Variants in SREK1 observed in about 807,000 individuals in gnomAD.
The protein encoded by SREK1 is splicing regulatory glutamine/lysine-rich protein 1.
A neutral mutation model predicts 66.5 loss-of-function variants in SREK1; 13 were observed. The observed-to-expected ratio is 0.20, with a 90% confidence interval of 0.13 to 0.31. The LOEUF (loss-of-function observed/expected upper bound fraction) is 0.31. Ranked by LOEUF, SREK1 falls within the 10% of genes least tolerant of loss-of-function variation. The probability of loss-of-function intolerance (pLI) is 1.00; values close to 1 mark genes in which losing one functional copy is unlikely to be tolerated. For missense variants in SREK1, 607 were observed against 769.6 expected (o/e 0.79, Z 2.50); for synonymous variants, 265 against 263.5 (o/e 1.01, Z -0.05).
At chr5:66,156,147 GA>G (rs1003248207) in intron 2 of SREK1, 57 of 1,414,118 alleles carry the variant, frequency 4.0e-5, no homozygotes, top group Admixed American at 5.6e-5. Context: ...GCCGTCAAGT[GA>G]AACCTTCATT....
At chr5:66,163,289 C>G (rs1280842152) in intron 5 of SREK1, 1 of 152,958 alleles carries the variant, frequency 6.5e-6, no homozygotes, top group East Asian at 1.9e-4. Flanking sequence ...AGAAGTCACT[C>G]TTACCTAGTA....
At chr5:66,169,423 G>A (rs939648676) in intron 7 of SREK1, 1 of 152,132 alleles carries the variant, frequency 6.6e-6, no homozygotes. Context: ...TTTTATGCGT[G>A]TGTATATATA....
At chr5:66,147,444 A>G (rs1743341200) in intron 1 of SREK1, among the ~76,000 whole-genome samples, 1 of 152,242 alleles carries the variant, frequency 6.6e-6, no homozygotes, top group Non-Finnish European at 1.5e-5. Context: ...TTTACAAAGT[A>G]AACATACCTA....
chr5:66,150,415 A>G (rs1204701241), intron 1 of SREK1, among the ~76,000 whole-genome samples: 1 of 152,246 alleles, frequency 6.6e-6, no homozygotes, highest in Non-Finnish European at 1.5e-5. Flanking sequence ...GGAACAGCAT[A>G]TATGAAGACC....
chr5:66,172,212 C>T (rs745744577), intron 9 of SREK1, among the ~76,000 whole-genome samples: 1 of 152,202 alleles, frequency 6.6e-6, no homozygotes. Context: ...TTCTGTGTCA[C>T]ACATGCCTTT....
chr5:66,175,401 C>G (rs113767997), intron 10 of SREK1, among the ~76,000 whole-genome samples: 5 of 152,268 alleles, frequency 3.3e-5, no homozygotes, highest in African/African-American at 1.2e-4. Flanking sequence ...TGTCACTTAA[C>G]TTACCAGGTC....
At chr5:66,155,000 C>T (rs1744158578) in intron 2 of SREK1, among the ~76,000 whole-genome samples, 1 of 152,130 alleles carries the variant, frequency 6.6e-6, no homozygotes, top group South Asian at 2.1e-4. Flanking sequence ...ATTAATACCA[C>T]CAATAACACT....
chr5:66,173,918 G>A (rs1745851223), intron 9 of SREK1, among the ~76,000 whole-genome samples: 1 of 152,130 alleles, frequency 6.6e-6, no homozygotes, highest in Admixed American at 6.5e-5. Flanking sequence ...TTAGGTAGAG[G>A]TAGAATTGAG....
At chr5:66,170,196 A>C in intron 8 of SREK1, 26 bp downstream of exon 8, 1 of 1,590,116 alleles carries the variant, frequency 6.3e-7, no homozygotes, top group East Asian at 2.3e-5. Flanking sequence ...ATTAACAATA[A>C]TTTTTTTTTC....
intron 6 of SREK1, chr5:66,164,260 C>G (rs747280078): frequency 1.1e-5 from 3 of 277,936 alleles, no homozygotes; most frequent in Non-Finnish European, 2.1e-5. Flanking sequence ...AGCAGGTTTA[C>G]TTTTCCTCAA....
intron 7 of SREK1, chr5:66,167,559 TGAC>T (rs1745277423): frequency 1.3e-5 from 2 of 152,192 alleles, no homozygotes; most frequent in Admixed American, 6.5e-5. Context: ...GATCTGCTCT[TGAC>T]TACTTCTAGC....
At chr5:66,162,782 T>G (rs1034093455) in intron 5 of SREK1, 190 bp downstream of exon 5, 6 of 520,596 alleles carry the variant, frequency 1.2e-5, no homozygotes, top group Admixed American at 3.7e-5. Context: ...TTTAGAGACA[T>G]TTATTTTCTC....
At position 66,162,394 on chromosome 5, in the gene SREK1, G is replaced by A. The variant is rs774581184; in HGVS notation, c.577-20G>A. The A allele has an allele frequency of 3.1e-6, 5 of 1,611,364 alleles. No homozygotes were observed. In the East Asian group the frequency reaches 6.7e-5, roughly 22 times the overall value. ...TTTTAAATGGATATATTTTATCAAA[G>A]TGTCACTTTGTTCCCTTAGACAACG... is the stretch of plus-strand genomic sequence containing the variant. On this transcript the variant is annotated intron_variant, in intron 4 of 11. Transcript: ENST00000334121.
chr5:66,164,657 AAGG>A (rs761477885), intron 6 of SREK1, 123 bp from the exon 7 acceptor site: 31 of 1,585,584 alleles, frequency 2.0e-5, no homozygotes, highest in Admixed American at 8.8e-5. Context: ...GATGTTTCTG[AAGG>A]AGGAGGATGT....
At chr5:66,145,058 T>A in intron 1 of SREK1, 2 of 985,880 alleles carry the variant, frequency 2.0e-6, no homozygotes, top group Non-Finnish European at 2.4e-6. Context: ...TCGCACAAAC[T>A]TAGCATTTTG....
At chr5:66,161,698 G>T (rs1175253130) in intron 3 of SREK1, among the ~76,000 whole-genome samples, 3 of 152,108 alleles carry the variant, frequency 2.0e-5, no homozygotes, top group Non-Finnish European at 2.9e-5. Flanking sequence ...TTAAACAGAA[G>T]AACATATAAA....
rs376966512 is a variant in SREK1 at position 66,179,051 on chromosome 5, C to T, written c.*183C>T. 1.0e-4 allele frequency: 57 copies of T among 552,984 alleles called. No individual in the cohort carries two copies. The highest frequency in any genetic ancestry group is 1.6e-4 in the Non-Finnish European group (55 of 352,886). The allele number at this position is 552,984 out of a possible 1,614,324, so 34.3% of individuals were successfully genotyped here. A position where few individuals can be genotyped will look rare whatever the true frequency, so the allele number is the denominator to read the frequency against. On this transcript the variant is annotated 3_prime_UTR_variant, in exon 12 of 12. Coordinates refer to ENST00000334121, the MANE Select transcript of SREK1 (RefSeq NM_001077199.3). Reference sequence around the variant, plus strand: ...GAGTAAGAAAATAAAGCATGGACATCATGAAAATAACAGATGTTACCCAAA... The same window carrying T: ...GAGTAAGAAAATAAAGCATGGACATTATGAAAATAACAGATGTTACCCAAA...
chr5:66,151,829 A>G (rs1743843287), intron 1 of SREK1, among the ~76,000 whole-genome samples: 1 of 142,994 alleles, frequency 7.0e-6, no homozygotes. Flanking sequence ...GCTAAGAGGT[A>G]CATCCTTTTT....
At chr5:66,157,964 A>G (rs2111995784) in intron 2 of SREK1, 1 of 154,408 alleles carries the variant, frequency 6.5e-6, no homozygotes, top group Non-Finnish European at 1.4e-5. Context: ...GCTTGTGGAA[A>G]TTTACTGCAT....
Sources: allele counts gnomAD v4.1 joint callset (sites outside exome capture counted in the v4.1 genomes callset), GRCh38; gene constraint gnomAD v4.1.1; transcripts MANE v1.5; gene names NCBI Gene and HGNC (gene_info 2026-07-23, HGNC 2026-07-21).